PLAGL1: variants seen among roughly 807,000 people sequenced by gnomAD.
PLAGL1 encodes the protein zinc finger protein PLAGL1.
In PLAGL1, 1 loss-of-function variant was observed where a neutral mutation model predicts 4.6. The ratio of observed to expected loss-of-function variants is 0.22; its 90% CI spans 0.08 to 1.03. The LOEUF is 1.03. Among genes scored for constraint, PLAGL1 ranks in the 50% least tolerant of loss-of-function variants. The pLI is 0.58. For synonymous variants in PLAGL1, 240 were observed against 237.8 expected (o/e 1.01, Z -0.08); for missense variants, 464 against 570.4 (o/e 0.81, Z 1.90).
In PLAGL1 at chr6:143,971,986, G is replaced by A. The variant is rs1208961503; in HGVS notation, c.-543-3008C>T. ...CACACTGGTGATGCTTCCTTCTAGA[G>A]GCTGTGGACTGCCTGACAAACTTGC... On this transcript the variant is annotated intron_variant, in intron 2 of 7. Coordinates refer to ENST00000674357, the MANE Select transcript of PLAGL1 (RefSeq NM_001317162.2). The surrounding 1 kb of genome is among the most constrained non-coding windows in gnomAD (Gnocchi z 4.7). 6.6e-6 allele frequency among the ~76,000 whole-genome samples: 1 copy of A among 152,220 alleles called. No homozygotes were observed. The highest frequency in any genetic ancestry group is 2.4e-5 in the African/African-American group (1 of 41,462).
intron 7 of PLAGL1, among the ~76,000 whole-genome samples, chr6:143,944,191 T>C (rs1779260157): frequency 6.6e-6 from 1 of 152,178 alleles, no homozygotes; most frequent in Non-Finnish European, 1.5e-5. Context: ...GTAAAAGAGA[T>C]AGGATCTCTT....
At chr6:144,023,593 C>T (rs896800475) in intron 1 of PLAGL1, among the ~76,000 whole-genome samples, 16 of 152,034 alleles carry the variant, frequency 1.1e-4, no homozygotes, top group African/African-American at 3.6e-4. Context: ...TACAAATTAA[C>T]AATTCCAAAA....
At chr6:144,026,598 G>A (rs1440525104) in intron 1 of PLAGL1, among the ~76,000 whole-genome samples, 1 of 151,974 alleles carries the variant, frequency 6.6e-6, no homozygotes, top group Non-Finnish European at 1.5e-5. Flanking sequence ...AATTTCTGAT[G>A]GTATATTCTT....
intron 1 of PLAGL1, among the ~76,000 whole-genome samples, chr6:144,042,349 C>T (rs1797808384): frequency 6.6e-6 from 1 of 152,082 alleles, no homozygotes; most frequent in African/African-American, 2.4e-5. Flanking sequence ...TTAATTTTTG[C>T]ATAAGGTGAA....
Position 144,053,660 on chromosome 6 carries a change from T to C in PLAGL1, c.-151+10808A>G, listed in dbSNP as rs1387327975. Among the ~76,000 whole-genome samples, 3 of 152,182 alleles carry C rather than the reference T, an allele frequency of 2.0e-5. No homozygotes were observed. The highest frequency in any genetic ancestry group is 4.4e-5 in the Non-Finnish European group (3 of 68,030). On this transcript the variant is annotated intron_variant, in intron 1 of 3. Transcript: ENST00000437412. This position sits in a 1 kb window ranked among gnomAD's most constrained non-coding sequence, Gnocchi z 4.0. ...AAAATACTACCTTCATAAAGAAACT[T>C]ACCACCTAAAAGTTTAGGCTTCGGG...
intron 1 of PLAGL1, among the ~76,000 whole-genome samples, chr6:144,035,331 A>G (rs1227150928): frequency 1.3e-5 from 2 of 152,234 alleles, no homozygotes; most frequent in South Asian, 2.1e-4. Context: ...AAGGCCCGAG[A>G]GCCCATGGAA....
At chr6:144,060,405 C>T (rs986076575) in intron 1 of PLAGL1, among the ~76,000 whole-genome samples, 1 of 152,116 alleles carries the variant, frequency 6.6e-6, no homozygotes, top group Non-Finnish European at 1.5e-5. Context: ...CTCATTGCTC[C>T]CCAGGTTAAA....
rs1218515288 is a variant in PLAGL1, at chr6:143,952,134, G to A, written c.-324-3674C>T. On this transcript the variant is annotated intron_variant, in intron 6 of 7. Transcript: ENST00000674357. This position sits in a 1 kb window ranked among gnomAD's most constrained non-coding sequence, Gnocchi z 6.1. ...GACAACAACAACAACAACAACTGTG[G>A]GTATATACAACATCTCTCATCACCA... is the stretch of plus-strand genomic sequence containing the variant. Among the ~76,000 whole-genome samples the A allele has an allele frequency of 6.6e-6, 1 of 152,114 alleles. No homozygotes were observed. The highest frequency in any genetic ancestry group is 1.5e-5 in the Non-Finnish European group (1 of 68,028).
chr6:143,948,785 CAACAACAAA>C lies in PLAGL1; in HGVS notation c.-324-334_-324-326del, dbSNP rs931941684. On this transcript the variant is annotated intron_variant, in intron 6 of 7. Coordinates refer to ENST00000674357, the MANE Select transcript of PLAGL1 (RefSeq NM_001317162.2). This position sits in a 1 kb window ranked among gnomAD's most constrained non-coding sequence, Gnocchi z 6.0. ...AGAAAAACAACAACAACAACAACAA[CAACAACAAA>C]CAAAAACCTCCCTCCCTCAGTGTGT... Among the ~76,000 whole-genome samples, 1 of 151,236 alleles carries C rather than the reference CAACAACAAA, an allele frequency of 6.6e-6. No homozygotes were observed. The highest frequency in any genetic ancestry group is 2.5e-5 in the African/African-American group (1 of 40,740).
At chr6:143,944,965 C>T (rs1779447687) in intron 7 of PLAGL1, among the ~76,000 whole-genome samples, 1 of 152,106 alleles carries the variant, frequency 6.6e-6, no homozygotes, top group African/African-American at 2.4e-5. Flanking sequence ...CGCACTCTTT[C>T]CTGTCCTACA....
intron 1 of PLAGL1, among the ~76,000 whole-genome samples, chr6:144,038,732 A>C (rs1797474020): frequency 6.6e-6 from 1 of 152,260 alleles, no homozygotes; most frequent in South Asian, 2.1e-4. Flanking sequence ...AATCACAAAG[A>C]ACCACATATT....
intron 1 of PLAGL1, among the ~76,000 whole-genome samples, chr6:144,002,955 T>C (rs1273009744): frequency 6.7e-6 from 1 of 150,188 alleles, no homozygotes; most frequent in Non-Finnish European, 1.5e-5. Flanking sequence ...AGCACTTAAA[T>C]AGTCAAAACA....
chr6:144,035,673 G>A (rs1797169146), intron 1 of PLAGL1, among the ~76,000 whole-genome samples: 1 of 152,164 alleles, frequency 6.6e-6, no homozygotes, highest in African/African-American at 2.4e-5. Flanking sequence ...GGGGCAAGAG[G>A]CTTTGTGTCA....
Position 143,960,509 on chromosome 6 carries a change from G to A in PLAGL1, c.-365C>T, listed in dbSNP as rs553367951. The A allele has an allele frequency of 2.6e-5, 4 of 152,322 alleles. No homozygotes were observed. In the South Asian group the frequency reaches 8.3e-4, roughly 32 times the overall value. 9.4% of individuals were successfully genotyped at this position (152,322 alleles called of 1,614,324 possible). On this transcript the variant is annotated 5_prime_UTR_variant, in exon 6 of 8. Transcript: ENST00000674357. This position sits in a 1 kb window ranked among gnomAD's most constrained non-coding sequence, Gnocchi z 5.7. ...GAACATCTGCTGCGAGGCAGGGACC[G>A]AGTCCTCCCAGAAGTTTGTCTGAAG...
chr6:144,042,449 G>GT (rs1357323308), intron 1 of PLAGL1, among the ~76,000 whole-genome samples: 1 of 152,078 alleles, frequency 6.6e-6, no homozygotes, highest in East Asian at 1.9e-4. Flanking sequence ...CCCATTTCTT[G>GT]TTTTTGTCAG....
Position 143,995,197 on chromosome 6 carries a change from A to G in PLAGL1, c.-583-10023T>C, listed in dbSNP as rs565721279. 6.6e-6 allele frequency among the ~76,000 whole-genome samples: 1 copy of G among 152,254 alleles called. No individual in the cohort carries two copies. The highest frequency in any genetic ancestry group is 1.5e-5 in the Non-Finnish European group (1 of 68,052). ...ATAAAATGATTCACAACAAGTGGTC[A>G]ACACAGAAAATATTCACAATAAAGC... On this transcript the variant is annotated intron_variant, in intron 1 of 7. Transcript: ENST00000674357. This position sits in a 1 kb window ranked among gnomAD's most constrained non-coding sequence, Gnocchi z 4.4.
chr6:144,039,183 T>C lies in PLAGL1; in HGVS notation c.-151+25285A>G, dbSNP rs1483917344. ...AGGAAGAGACAATCCAAAAGAAAAA[T>C]GGGCAAGGCATATAAACAGGTGTTT... On this transcript the variant is annotated intron_variant, in intron 1 of 3. Transcript: ENST00000437412. The surrounding 1 kb of genome is among the most constrained non-coding windows in gnomAD (Gnocchi z 4.1). 1.4e-5 allele frequency among the ~76,000 whole-genome samples: 2 copies of C among 138,446 alleles called. No homozygotes were observed. Among genetic ancestry groups the C allele is most frequent in the African/African-American group, 5.0e-5 (2 of 40,366 alleles). 90.8% of individuals were successfully genotyped at this position (138,446 alleles called of 152,430 possible).
At chr6:144,029,055 G>A (rs1796593248) in intron 1 of PLAGL1, among the ~76,000 whole-genome samples, 1 of 151,976 alleles carries the variant, frequency 6.6e-6, no homozygotes, top group Admixed American at 6.6e-5. Context: ...TATATGTTTT[G>A]AGGAACTTCC....
chr6:143,991,091 G>C (rs1273308364), intron 1 of PLAGL1, among the ~76,000 whole-genome samples: 1 of 152,086 alleles, frequency 6.6e-6, no homozygotes, highest in Non-Finnish European at 1.5e-5. Context: ...GGCAAGATAG[G>C]GGCATCACTC....
Sources: gnomAD v4.1 joint callset for allele counts (sites outside exome capture counted in the v4.1 genomes callset) on GRCh38, gnomAD v4.1.1 for gene constraint, Gnocchi (gnomAD v3.1) non-coding constraint, MANE v1.5 for transcripts, NCBI Gene and HGNC (gene_info 2026-07-23, HGNC 2026-07-21) for gene names.